TTYH2: variants seen among roughly 807,000 people sequenced by gnomAD.
The protein encoded by TTYH2 is tweety family member 2, also known as protein tweety homolog 2.
TTYH2 carries 49 observed loss-of-function variants against 68.3 expected under a neutral mutation model. That is an observed-to-expected ratio of 0.72 (90% CI 0.57 to 0.91). The LOEUF (loss-of-function observed/expected upper bound fraction) is 0.91, where lower values mean the gene tolerates loss of function less well. Ranked by LOEUF, TTYH2 falls within the 40% of genes least tolerant of loss-of-function variation. The pLI, the probability that TTYH2 is intolerant of heterozygous loss-of-function variation, is 0.00. For synonymous variants in TTYH2, 272 were observed against 300.8 expected (o/e 0.90, Z 0.99); for missense variants, 631 against 700.4 (o/e 0.90, Z 1.12).
rs965343938 is a variant in TTYH2, at chr17:74,217,260, G to A, written c.129+3544G>A. Among the ~76,000 whole-genome samples, 5 of 152,238 alleles carry A rather than the reference G, an allele frequency of 3.3e-5. No individual in the cohort carries two copies. The highest frequency in any genetic ancestry group is 7.3e-5 in the Non-Finnish European group (5 of 68,042). On this transcript the variant is annotated intron_variant, in intron 1 of 13. Coordinates refer to ENST00000269346, the MANE Select transcript of TTYH2 (RefSeq NM_032646.6). The surrounding 1 kb of genome is among the most constrained non-coding windows in gnomAD (Gnocchi z 4.0). The stretch of plus-strand genomic sequence containing the variant: ...TGTGCTTCCTGTTCCAGCTTCCCTT[G>A]CCCAGGATCAGCCGACCAGCTGCTC...
chr17:74,240,533 A>G (rs941109270), intron 4 of TTYH2, among the ~76,000 whole-genome samples: 3 of 151,778 alleles, frequency 2.0e-5, no homozygotes, highest in African/African-American at 4.8e-5. Flanking sequence ...CTTTGCTTCC[A>G]TCTGTGGCTT....
chr17:74,243,833 C>T, intron 5 of TTYH2, 144 bp from the exon 6 acceptor site: 1 of 724,822 alleles, frequency 1.4e-6, no homozygotes, highest in Non-Finnish European at 2.3e-6. Context: ...TGGTCCTTTC[C>T]TAGTAGTGAG....
At position 74,241,632 on chromosome 17, in the gene TTYH2, C is replaced by T. The variant is rs1175585585; in HGVS notation, c.636-1742C>T. 6.6e-6 allele frequency among the ~76,000 whole-genome samples: 1 copy of T among 152,230 alleles called. No individual in the cohort carries two copies. The highest frequency in any genetic ancestry group is 1.5e-5 in the Non-Finnish European group (1 of 68,052). Reference sequence around the variant, plus strand: ...CTTTCTGCCAGCTCCAGGGCACTCCCTGCCCACGCTCCAAACTCCGTCTTC... The same window carrying T: ...CTTTCTGCCAGCTCCAGGGCACTCCTTGCCCACGCTCCAAACTCCGTCTTC... On this transcript the variant is annotated intron_variant, in intron 4 of 13. Transcript: ENST00000269346. The surrounding 1 kb of genome is among the most constrained non-coding windows in gnomAD (Gnocchi z 4.1).
At chr17:74,255,441 A>ATTTTATT (rs940489211) in intron 13 of TTYH2, among the ~76,000 whole-genome samples, 17 of 151,906 alleles carry the variant, frequency 1.1e-4, no homozygotes, top group African/African-American at 3.6e-4. Flanking sequence ...TATCAATTTT[A>ATTTTATT]TTTTATTTTT....
chr17:74,240,940 A>G (rs1390506435), intron 4 of TTYH2: 1 of 152,204 alleles, frequency 6.6e-6, no homozygotes, highest in Non-Finnish European at 1.5e-5. Context: ...AAGCACCCCT[A>G]ACTGGATTTC....
At chr17:74,243,041 T>C (rs2050517683) in intron 4 of TTYH2, among the ~76,000 whole-genome samples, 1 of 152,208 alleles carries the variant, frequency 6.6e-6, no homozygotes, top group Non-Finnish European at 1.5e-5. Flanking sequence ...AAGTTCTCGG[T>C]AGCCACCTGT....
In TTYH2 at chr17:74,215,170, CGTGTGTGTGTGTGTGTGTGTGT is replaced by C. The variant is rs5822029; in HGVS notation, c.129+1467_129+1488del. ...AGGCGGATATGATTTCAGAAACAGC[CGTGTGTGTGTGTGTGTGTGTGT>C]GTGTGTGTGTGTCCCCATCCCAAAC... On this transcript the variant is annotated intron_variant, in intron 1 of 13. Coordinates refer to ENST00000269346, the MANE Select transcript of TTYH2 (RefSeq NM_032646.6). The surrounding 1 kb of genome is among the most constrained non-coding windows in gnomAD (Gnocchi z 4.3). 1.4e-5 allele frequency among the ~76,000 whole-genome samples: 2 copies of C among 147,490 alleles called. No individual in the cohort carries two copies. Among genetic ancestry groups the C allele is most frequent in the East Asian group, 2.0e-4 (1 of 4,948 alleles).
intron 1 of TTYH2, among the ~76,000 whole-genome samples, chr17:74,221,734 G>A (rs1043532199): frequency 2.0e-5 from 3 of 152,182 alleles, no homozygotes; most frequent in Non-Finnish European, 2.9e-5. Flanking sequence ...AGGCCCCTCC[G>A]GCCCCCTCAG....
intron 4 of TTYH2, among the ~76,000 whole-genome samples, chr17:74,238,368 G>A (rs1449976453): frequency 6.6e-6 from 1 of 152,194 alleles, no homozygotes; most frequent in Non-Finnish European, 1.5e-5. Context: ...GAGGCACAAG[G>A]GAGGAATGAG....
intron 6 of TTYH2, among the ~76,000 whole-genome samples, chr17:74,247,302 G>A (rs1301503657): frequency 6.6e-6 from 1 of 152,096 alleles, no homozygotes; most frequent in Non-Finnish European, 1.5e-5. Flanking sequence ...CATAACATGT[G>A]GGAATTCAAG....
intron 1 of TTYH2, among the ~76,000 whole-genome samples, chr17:74,218,865 G>C (rs188084877): frequency 2.0e-5 from 3 of 152,322 alleles, no homozygotes; most frequent in East Asian, 3.9e-4. Context: ...GGTAGCTGGG[G>C]GCAGGCTGGA....
chr17:74,249,009 A>G lies in TTYH2; in HGVS notation c.805-2A>G. ...CACCCCGTCCCTCTCTCCCTCACTC[A>G]GGCCACCAGTGACTTCTGTGTGGCT... On this transcript the variant is annotated splice_acceptor_variant, in intron 6 of 13. Transcript: ENST00000269346. LOFTEE classifies it high-confidence loss of function. 1 of 1,614,028 alleles carries G rather than the reference A, an allele frequency of 6.2e-7. No individual in the cohort carries two copies. The highest frequency in any genetic ancestry group is 1.1e-5 in the South Asian group (1 of 91,066).
chr17:74,231,800 G>C (rs2050392432), intron 3 of TTYH2, among the ~76,000 whole-genome samples: 1 of 152,158 alleles, frequency 6.6e-6, no homozygotes, highest in African/African-American at 2.4e-5. Context: ...AGTGAAGGAT[G>C]CTCTGGCCTG....
rs895446743 is a variant in TTYH2, at chr17:74,217,326, T to G, written c.129+3610T>G. Among the ~76,000 whole-genome samples, 4 of 152,132 alleles carry G rather than the reference T, an allele frequency of 2.6e-5. No individual in the cohort carries two copies. The highest frequency in any genetic ancestry group is 9.7e-5 in the African/African-American group (4 of 41,430). On this transcript the variant is annotated intron_variant, in intron 1 of 13. Coordinates refer to ENST00000269346, the MANE Select transcript of TTYH2 (RefSeq NM_032646.6). The surrounding 1 kb of genome is among the most constrained non-coding windows in gnomAD (Gnocchi z 4.0). ...TAGGAGGCAGAGGAGATGTTGTTAA[T>G]TTTTTTTGTATTTAGGCATGTATTT... is the stretch of plus-strand genomic sequence containing the variant.
intron 10 of TTYH2, among the ~76,000 whole-genome samples, chr17:74,251,284 ATGTGTGTGG>A (rs1217396504): frequency 7.6e-6 from 1 of 132,442 alleles, no homozygotes; most frequent in Non-Finnish European, 1.6e-5. Flanking sequence ...CATGTCTGTG[ATGTGTGTGG>A]TGTGTGTGCA....
intron 8 of TTYH2, 131 bp from the exon 9 acceptor site, chr17:74,249,805 C>A: frequency 9.8e-7 from 1 of 1,020,746 alleles, no homozygotes; most frequent in Non-Finnish European, 1.5e-6. Context: ...GCAGCTGCAG[C>A]CAGGTGGGGG....
At chr17:74,248,880 G>A (rs2050588841) in intron 6 of TTYH2, 131 bp from the exon 7 acceptor site, 4 of 1,519,984 alleles carry the variant, frequency 2.6e-6, no homozygotes, top group Middle Eastern at 2.0e-4. Context: ...CCAGGAGGCT[G>A]GCTCCAGACT....
Position 74,253,736 on chromosome 17 carries a change from T to G in TTYH2, c.1446-19T>G, listed in dbSNP as rs1282569863. The G allele has an allele frequency of 6.2e-7, 1 of 1,613,134 alleles. No individual in the cohort carries two copies. Among genetic ancestry groups the G allele is most frequent in the Non-Finnish European group, 8.5e-7 (1 of 1,179,614 alleles). The stretch of plus-strand genomic sequence containing the variant: ...ACTCCCACACCATCCCCTCCTGAGC[T>G]CTCCTCTCATCCCCGCAGGAACCAA... On this transcript the variant is annotated intron_variant, in intron 12 of 13. Transcript: ENST00000269346.
intron 7 of TTYH2, 100 bp from the exon 8 acceptor site, chr17:74,249,244 G>A (rs926869064): frequency 1.3e-6 from 2 of 1,567,828 alleles, no homozygotes; most frequent in Admixed American, 1.7e-5. Context: ...TCCCTTGGGA[G>A]CTCAGGGACG....
Sources: gnomAD v4.1 joint callset for allele counts (sites outside exome capture counted in the v4.1 genomes callset) on GRCh38, gnomAD v4.1.1 for gene constraint, Gnocchi (gnomAD v3.1) non-coding constraint, MANE v1.5 for transcripts, NCBI Gene and HGNC (gene_info 2026-07-23, HGNC 2026-07-21) for gene names.